Variants in TSPAN15 observed in about 807,000 individuals in gnomAD.
TSPAN15 encodes tetraspanin 15, also known as tetraspanin-15.
A neutral mutation model predicts 34.5 loss-of-function variants in TSPAN15; 20 were observed. The observed-to-expected ratio is 0.58, with a 90% CI of 0.41 to 0.84. The LOEUF (loss-of-function observed/expected upper bound fraction) is 0.84, where lower values mean the gene tolerates loss of function less well. Ranked by LOEUF, TSPAN15 falls within the 40% of genes least tolerant of loss-of-function variation. The pLI is 0.00. For synonymous variants in TSPAN15, 155 were observed against 153.9 expected (o/e 1.01, Z -0.05); for missense variants, 313 against 386.1 (o/e 0.81, Z 1.59).
rs372106669 is a variant in TSPAN15, at chr10:69,507,209, T to A, written c.*231T>A. On this transcript the variant is annotated 3_prime_UTR_variant, in exon 8 of 8. Transcript: ENST00000373290. ...GGCAGCTCTGGAATCTGTGCCCACC[T>A]GGGGCCTGGGGAACAAGGCCCTCCT... is the stretch of plus-strand genomic sequence containing the variant. The A allele has an allele frequency of 6.3e-5, 88 of 1,406,822 alleles. No individual in the cohort carries two copies. The East Asian group carries it at 1.0e-3, about 16-fold the overall frequency. 87.1% of individuals were successfully genotyped at this position (1,406,822 alleles called of 1,614,324 possible).
chr10:69,463,808 C>CAAAAAAAA (rs56064605), intron 1 of TSPAN15, among the ~76,000 whole-genome samples: 1 of 116,972 alleles, frequency 8.5e-6, no homozygotes. Flanking sequence ...GACTCCGTCT[C>CAAAAAAAA]AAAAAAAAAA....
chr10:69,497,969 C>T (rs565914557), intron 4 of TSPAN15, among the ~76,000 whole-genome samples: 25 of 152,190 alleles, frequency 1.6e-4, no homozygotes, highest in African/African-American at 5.5e-4. Flanking sequence ...TTTGGGGACA[C>T]GAAGATGAAG....
At chr10:69,507,651 G>GTTTTTTTT (rs398014021) in exon 8 of TSPAN15, 13 of 1,012,124 alleles carry the variant, frequency 1.3e-5, no homozygotes, top group East Asian at 2.5e-4. Context: ...ATAAAAACAT[G>GTTTTTTTT]TTTTTTTTTT....
the TSPAN15 span, among the ~76,000 whole-genome samples, chr10:69,522,014 G>A: frequency 4.1e-5 from 6 of 147,938 alleles, no homozygotes; most frequent in Admixed American, 7.0e-5. Context: ...GACTTGTGAT[G>A]TTGAGCATCT....
chr10:69,535,647 G>A, the TSPAN15 span, among the ~76,000 whole-genome samples: 2 of 152,202 alleles, frequency 1.3e-5, no homozygotes, highest in Non-Finnish European at 2.9e-5. Flanking sequence ...TCAGTGTCTA[G>A]GGCCAGCTTT....
Position 69,474,855 on chromosome 10 carries a change from G to A in TSPAN15, c.97-8836G>A, listed in dbSNP as rs1476886276. ...CAGTGGCCTGAGCTGGGGACTTCCT[G>A]TCTCACTGCCAGGGCCAGACATCCA... On this transcript the variant is annotated intron_variant, in intron 1 of 7. Transcript: ENST00000373290. Among the ~76,000 whole-genome samples the A allele has an allele frequency of 3.3e-5, 5 of 152,136 alleles. No individual in the cohort carries two copies. In the East Asian group the frequency reaches 9.6e-4, roughly 29 times the overall value.
chr10:69,545,761 C>A, the TSPAN15 span, among the ~76,000 whole-genome samples: 1 of 152,068 alleles, frequency 6.6e-6, no homozygotes, highest in Admixed American at 6.5e-5. Context: ...TCGAGACTAG[C>A]CTGGCCAACA....
Position 69,507,622 on chromosome 10 carries a change from C to G in TSPAN15, c.*644C>G. Reference sequence around the variant, plus strand: ...TGTCTTATTCTTGCCCTTCCCCCAACCAGTTTGTTAATCAAACAATAAAAA... The same window carrying G: ...TGTCTTATTCTTGCCCTTCCCCCAAGCAGTTTGTTAATCAAACAATAAAAA... On this transcript the variant is annotated 3_prime_UTR_variant, in exon 8 of 8. Transcript: ENST00000373290. The G allele has an allele frequency of 7.7e-7, 1 of 1,293,346 alleles. No homozygotes were observed. The highest frequency in any genetic ancestry group is 1.0e-6 in the Non-Finnish European group (1 of 986,154). 80.1% of individuals were successfully genotyped at this position (1,293,346 alleles called of 1,614,324 possible).
the TSPAN15 span, among the ~76,000 whole-genome samples, chr10:69,513,600 C>T: frequency 2.0e-5 from 3 of 151,172 alleles, no homozygotes; most frequent in South Asian, 2.1e-4. Context: ...TTCTTTCATG[C>T]GTGATGCTTC....
At chr10:69,475,924 G>A (rs1441581778) in intron 1 of TSPAN15, among the ~76,000 whole-genome samples, 2 of 151,390 alleles carry the variant, frequency 1.3e-5, no homozygotes, top group Non-Finnish European at 2.9e-5. Flanking sequence ...AATTAAGAAG[G>A]GATTATTTAT....
chr10:69,533,429 A>G, the TSPAN15 span, among the ~76,000 whole-genome samples: 2 of 152,214 alleles, frequency 1.3e-5, no homozygotes, highest in East Asian at 1.9e-4. Context: ...AAACCCAAAC[A>G]TCGTTTGTTC....
At chr10:69,533,432 G>A in the TSPAN15 span, among the ~76,000 whole-genome samples, 7 of 152,266 alleles carry the variant, frequency 4.6e-5, no homozygotes, top group South Asian at 2.1e-4. Flanking sequence ...CCCAAACATC[G>A]TTTGTTCTCA....
chr10:69,524,168 G>A, the TSPAN15 span, among the ~76,000 whole-genome samples: 5 of 147,792 alleles, frequency 3.4e-5, no homozygotes, highest in African/African-American at 9.8e-5. Flanking sequence ...TAGTTATAGC[G>A]TATCCATAGA....
At chr10:69,455,719 T>C (rs954029319) in intron 1 of TSPAN15, among the ~76,000 whole-genome samples, 1 of 150,396 alleles carries the variant, frequency 6.6e-6, no homozygotes, top group Non-Finnish European at 1.5e-5. Flanking sequence ...CATGGGTGTA[T>C]ATGTCTGTGG....
chr10:69,507,717 C>G, downstream of TSPAN15: 1 of 1,158,992 alleles, frequency 8.6e-7, no homozygotes, highest in Non-Finnish European at 1.1e-6. Context: ...GTAAGGAAGG[C>G]TGCAACCTGG....
chr10:69,548,018 C>T, the TSPAN15 span, among the ~76,000 whole-genome samples: 1 of 152,188 alleles, frequency 6.6e-6, no homozygotes, highest in African/African-American at 2.4e-5. Flanking sequence ...ATGAAGAGCT[C>T]TGAAGGGAGA....
intron 1 of TSPAN15, among the ~76,000 whole-genome samples, chr10:69,455,627 C>CGCCCCCCG (rs879584373): frequency 2.0e-5 from 2 of 98,850 alleles, no homozygotes; most frequent in Non-Finnish European, 4.2e-5. Flanking sequence ...TCTCTCTCTC[C>CGCCCCCCG]CCCCCCCGTC....
chr10:69,504,448 TCAA>T lies in TSPAN15; in HGVS notation c.584_586del (p.Asn195del), dbSNP rs1842281800. 1 of 1,613,970 alleles carries T rather than the reference TCAA, an allele frequency of 6.2e-7. No individual in the cohort carries two copies. The highest frequency in any genetic ancestry group is 1.3e-5 in the African/African-American group (1 of 74,950). On this transcript the variant is annotated inframe_deletion, in exon 6 of 8. Transcript: ENST00000373290. ...ACATTTCCATTTCAGACAGAAGTTG[TCAA>T]CACCATGTGTGGCTACAAAACTATC...
At chr10:69,471,121 C>T (rs1339351652) in intron 1 of TSPAN15, among the ~76,000 whole-genome samples, 1 of 152,176 alleles carries the variant, frequency 6.6e-6, no homozygotes, top group Non-Finnish European at 1.5e-5. Context: ...GTTTTTCTTA[C>T]TTATTTGCCT....
Sources: gnomAD v4.1 joint callset for allele counts (sites outside exome capture counted in the v4.1 genomes callset) on GRCh38, gnomAD v4.1.1 for gene constraint, MANE v1.5 for transcripts, NCBI Gene and HGNC (gene_info 2026-07-23, HGNC 2026-07-21) for gene names.